Variants in DENND4A observed in about 807,000 individuals in gnomAD.
The protein encoded by DENND4A is DENN domain containing 4A.
A neutral mutation model predicts 199.3 loss-of-function variants in DENND4A; 70 were observed. That is an observed-to-expected ratio of 0.35 (90% CI 0.29 to 0.43). The LOEUF (loss-of-function observed/expected upper bound fraction) is 0.43, where lower values mean the gene tolerates loss of function less well. DENND4A is among the 20% of genes least tolerant of loss of function. The pLI, the probability that DENND4A is intolerant of heterozygous loss-of-function variation, is 1.00. For synonymous variants in DENND4A, 686 were observed against 766.9 expected, an observed-to-expected ratio of 0.89 and a Z score of 1.74; for missense variants, 1,723 against 2,255.8, an observed-to-expected ratio of 0.76 and a Z score of 4.78.
intron 1 of DENND4A, among the ~76,000 whole-genome samples, chr15:65,788,367 G>A (rs932166049): frequency 2.6e-5 from 4 of 152,092 alleles, no homozygotes; most frequent in Non-Finnish European, 5.9e-5. Context: ...GAGCCACTGC[G>A]CCTGGCCAGC....
At chr15:65,697,897 T>C (rs2077203025) in intron 20 of DENND4A, among the ~76,000 whole-genome samples, 1 of 152,126 alleles carries the variant, frequency 6.6e-6, no homozygotes, top group African/African-American at 2.4e-5. Flanking sequence ...ATCATTGAAC[T>C]GTATGTGAGT....
intron 27 of DENND4A, 49 bp from the exon 28 acceptor site, chr15:65,668,172 TACTTC>T: frequency 7.4e-7 from 1 of 1,354,104 alleles, no homozygotes; most frequent in Non-Finnish European, 1.0e-6. Context: ...AGATTTACTT[TACTTC>T]ATCAACAAGG....
chr15:65,783,794 A>G (rs2077496116), intron 1 of DENND4A, among the ~76,000 whole-genome samples: 1 of 152,218 alleles, frequency 6.6e-6, no homozygotes, highest in East Asian at 1.9e-4. Flanking sequence ...ATGAGTCCAT[A>G]CATATATAAA....
chr15:65,723,562 A>G (rs2075711915), intron 11 of DENND4A, among the ~76,000 whole-genome samples: 1 of 152,170 alleles, frequency 6.6e-6, no homozygotes, highest in Non-Finnish European at 1.5e-5. Flanking sequence ...TAAAAATGAT[A>G]AAGCAGTTTC....
intron 1 of DENND4A, among the ~76,000 whole-genome samples, chr15:65,777,146 C>T (rs562464800): frequency 5.3e-5 from 8 of 151,992 alleles, no homozygotes; most frequent in East Asian, 1.9e-4. Context: ...CCAGCCTGGG[C>T]GACAGAGTAA....
At chr15:65,782,409 C>G (rs1391486696) in intron 1 of DENND4A, among the ~76,000 whole-genome samples, 1 of 152,160 alleles carries the variant, frequency 6.6e-6, no homozygotes, top group African/African-American at 2.4e-5. Flanking sequence ...TCTCTCAGAT[C>G]ACCCTGTTTT....
chr15:65,756,939 A>T (rs1353510951), intron 2 of DENND4A, among the ~76,000 whole-genome samples: 1 of 152,184 alleles, frequency 6.6e-6, no homozygotes, highest in African/African-American at 2.4e-5. Flanking sequence ...CAGGAGGCTG[A>T]GGCAGGAGAA....
chr15:65,756,622 G>T (rs1261208936), intron 2 of DENND4A, 150 bp from the exon 3 acceptor site: 11 of 510,456 alleles, frequency 2.2e-5, no homozygotes, highest in Non-Finnish European at 3.3e-5. Flanking sequence ...CATGTAAAAA[G>T]AATTTAACAA....
intron 4 of DENND4A, among the ~76,000 whole-genome samples, chr15:65,752,076 G>A (rs1432953316): frequency 7.0e-6 from 1 of 143,606 alleles, no homozygotes; most frequent in Non-Finnish European, 1.5e-5. Flanking sequence ...GTCCCGTTGA[G>A]GTGTGGGATC....
chr15:65,773,002 CAAAAAAA>C (rs61241995), intron 1 of DENND4A, among the ~76,000 whole-genome samples: 29 of 102,158 alleles, frequency 2.8e-4, no homozygotes, highest in African/African-American at 8.0e-4. Flanking sequence ...TGTTTCTAAG[CAAAAAAA>C]AAAAAAAAAA....
intron 1 of DENND4A, chr15:65,771,988 TA>T: frequency 6.7e-7 from 1 of 1,501,458 alleles, no homozygotes; most frequent in South Asian, 1.2e-5. Context: ...TACTTCATAG[TA>T]ATTTTTATAT....
At chr15:65,736,429 T>C (rs2076120636) in intron 7 of DENND4A, among the ~76,000 whole-genome samples, 1 of 133,212 alleles carries the variant, frequency 7.5e-6, no homozygotes, top group Admixed American at 7.3e-5. Context: ...CTGGCTTTTG[T>C]ATTTTTTTTT....
Position 65,668,094 on chromosome 15 carries a change from G to T in DENND4A, c.4817C>A (p.Thr1606Asn). The T allele has an allele frequency of 6.3e-7, 1 of 1,579,372 alleles. No homozygotes were observed. Among genetic ancestry groups the T allele is most frequent in the African/African-American group, 1.4e-5 (1 of 72,450 alleles). Residue 1606 changes from threonine (T) to asparagine (N), a missense_variant, in exon 28 of 33, where the codon ACC becomes AAC. Thr to Asn is a moderately conservative substitution (Grantham distance 65). Coordinates refer to ENST00000443035, the MANE Select transcript of DENND4A (RefSeq NM_001320835.1). ...ATTAGCAGGGATCTGAATACTTCGG[G>T]TGCAAAAATTTTCCTGCAGTTTAGA... ...SKSKLQENFC[T>N]RSIQIPANRS... is the part of the protein sequence containing the mutation.
rs2077745950 is a variant in DENND4A at position 65,791,998 on chromosome 15, C to T, written c.-102+12G>A. 6.6e-6 allele frequency: 1 copy of T among 152,354 alleles called. No individual in the cohort carries two copies. Among genetic ancestry groups the T allele is most frequent in the Non-Finnish European group, 1.5e-5 (1 of 68,140 alleles). 9.4% of individuals were successfully genotyped at this position (152,354 alleles called of 1,614,324 possible). ...CTGCCACCGCTGCCCGGGTCGCCGC[C>T]CCCGCACTCACCACCCAGCTGGCTC... On this transcript the variant is annotated intron_variant, in intron 1 of 32. Transcript: ENST00000443035.
At position 65,763,630 on chromosome 15, in the gene DENND4A, C is replaced by T. The variant is rs183568007; in HGVS notation, c.-101-2192G>A. ...GGTCGAGGCTGCAGTGAGCCTTGTT[C>T]ACACCACTGCACTCCAGCCAGCCTG... On this transcript the variant is annotated intron_variant, in intron 1 of 32. Transcript: ENST00000443035. Among the ~76,000 whole-genome samples, 335 of 138,376 alleles carry T rather than the reference C, an allele frequency of 2.4e-3. 1 individual carries two copies. Among genetic ancestry groups the T allele is most frequent in the African/African-American group, 9.0e-3 (328 of 36,248 alleles). 90.8% of individuals were successfully genotyped at this position (138,376 alleles called of 152,430 possible). A position where few individuals can be genotyped will look rare whatever the true frequency, so the allele number is the denominator to read the frequency against.
chr15:65,668,469 A>G (rs1285786481), intron 27 of DENND4A, among the ~76,000 whole-genome samples: 1 of 151,116 alleles, frequency 6.6e-6, no homozygotes, highest in African/African-American at 2.4e-5. Context: ...TCGGCCTCCC[A>G]AAGTGCTGGG....
chr15:65,782,550 T>C (rs775337691), intron 1 of DENND4A, among the ~76,000 whole-genome samples: 2 of 152,192 alleles, frequency 1.3e-5, no homozygotes, highest in African/African-American at 2.4e-5. Context: ...TTACTAGCAA[T>C]GTGACCTCGG....
At chr15:65,667,844 A>G in intron 28 of DENND4A, 81 bp downstream of exon 28, 1 of 1,518,618 alleles carries the variant, frequency 6.6e-7, no homozygotes, top group Middle Eastern at 2.1e-4. Flanking sequence ...AATAAAGCTA[A>G]TAAGACTACT....
chr15:65,763,679 CAAAA>C (rs11357605), intron 1 of DENND4A, among the ~76,000 whole-genome samples: 117 of 87,538 alleles, frequency 1.3e-3, no homozygotes, highest in East Asian at 0.011. Context: ...GACCTTGTCT[CAAAA>C]AAAAAAAAAA....
Sources: allele counts gnomAD v4.1 joint callset (sites outside exome capture counted in the v4.1 genomes callset), GRCh38; gene constraint gnomAD v4.1.1; transcripts MANE v1.5; gene names NCBI Gene and HGNC (gene_info 2026-07-23, HGNC 2026-07-21).